The following NAALADL2 variants were observed in gnomAD, a reference collection of about 807,000 sequenced individuals.
NAALADL2 encodes the protein N-acetylated alpha-linked acidic dipeptidase like 2, also known as inactive N-acetylated-alpha-linked acidic dipeptidase-like protein 2.
In NAALADL2, 76 loss-of-function variants were observed where a neutral mutation model predicts 87.2. That is an observed-to-expected ratio of 0.87 (90% CI 0.72 to 1.05). NAALADL2 has a LOEUF of 1.05. Ranked by LOEUF, NAALADL2 falls within the 50% of genes least tolerant of loss-of-function variation. The pLI is 0.00. For missense variants in NAALADL2, 1,089 were observed against 945.8 expected (o/e 1.15, Z -1.99); for synonymous variants, 354 against 331.0 (o/e 1.07, Z -0.75).
chr3:174,540,722 A>C (rs1722148568), intron 1 of NAALADL2: 1 of 152,174 alleles, frequency 6.6e-6, no homozygotes, highest in African/African-American at 2.4e-5. Context: ...TTTTCCTTTA[A>C]TAAAGCTATG....
intron 11 of NAALADL2, among the ~76,000 whole-genome samples, chr3:175,687,606 C>T (rs1180151317): frequency 6.6e-6 from 1 of 152,132 alleles, no homozygotes. Flanking sequence ...TTTCCATGCA[C>T]TATGCTGCCT....
chr3:175,358,307 T>A (rs1402294202), intron 5 of NAALADL2, among the ~76,000 whole-genome samples: 1 of 152,130 alleles, frequency 6.6e-6, no homozygotes, highest in Non-Finnish European at 1.5e-5. Flanking sequence ...AATATAAAAT[T>A]CATCTTTTTA....
intron 1 of NAALADL2, among the ~76,000 whole-genome samples, chr3:174,905,926 C>A (rs1021420831): frequency 1.3e-5 from 2 of 152,066 alleles, no homozygotes; most frequent in Admixed American, 6.6e-5. Context: ...GGATATTAAT[C>A]TTTGTTTACA....
At chr3:174,620,856 A>T (rs2108664780) in intron 2 of NAALADL2, among the ~76,000 whole-genome samples, 1 of 152,190 alleles carries the variant, frequency 6.6e-6, no homozygotes, top group Middle Eastern at 3.4e-3. Flanking sequence ...GATTTTTAGG[A>T]AATAGGTCAA....
At chr3:174,549,012 T>G (rs1244450502) in intron 1 of NAALADL2, among the ~76,000 whole-genome samples, 1 of 152,086 alleles carries the variant, frequency 6.6e-6, no homozygotes, top group Non-Finnish European at 1.5e-5. Flanking sequence ...GGCTAATTTG[T>G]GTATTTTTTG....
At chr3:174,995,135 C>CA (rs534512303) in intron 1 of NAALADL2, among the ~76,000 whole-genome samples, 144 of 142,992 alleles carry the variant, frequency 1.0e-3, no homozygotes, top group Middle Eastern at 7.1e-3. Context: ...AAAATAATAG[C>CA]AAAAAAAAAA....
chr3:174,806,782 T>C (rs936958346), intron 3 of NAALADL2, among the ~76,000 whole-genome samples: 5 of 152,318 alleles, frequency 3.3e-5, no homozygotes, highest in East Asian at 1.9e-4. Context: ...AAGCTATGTA[T>C]ATCCAAATAT....
intron 2 of NAALADL2, among the ~76,000 whole-genome samples, chr3:175,215,563 A>G (rs6443290): frequency 0.47 from 71,685 of 151,612 alleles, 18,206 homozygotes; most frequent in African/African-American, 0.65. Flanking sequence ...CACCTTTCAG[A>G]CCACTTCTAT....
intron 1 of NAALADL2, among the ~76,000 whole-genome samples, chr3:174,908,697 C>T (rs192280719): frequency 9.8e-4 from 149 of 152,170 alleles, no homozygotes; most frequent in Non-Finnish European, 1.7e-3. Flanking sequence ...TATACTAAAA[C>T]AGGCAAGATT....
At chr3:175,303,509 T>C (rs1757335892) in intron 4 of NAALADL2, among the ~76,000 whole-genome samples, 1 of 152,220 alleles carries the variant, frequency 6.6e-6, no homozygotes, top group African/African-American at 2.4e-5. Flanking sequence ...TTTTCTACTT[T>C]CTTACTCCTA....
chr3:174,946,850 T>C (rs192958114), intron 1 of NAALADL2, among the ~76,000 whole-genome samples: 1 of 152,326 alleles, frequency 6.6e-6, no homozygotes, highest in African/African-American at 2.4e-5. Flanking sequence ...ATTCTTATAT[T>C]CATTTATATT....
At chr3:175,034,447 T>A (rs1263398540) in intron 1 of NAALADL2, among the ~76,000 whole-genome samples, 1 of 152,098 alleles carries the variant, frequency 6.6e-6, no homozygotes, top group Admixed American at 6.6e-5. Context: ...TTGCGCCTGT[T>A]ATCATCTCAA....
chr3:175,641,222 G>A (rs1312371913), intron 11 of NAALADL2, among the ~76,000 whole-genome samples: 3 of 152,084 alleles, frequency 2.0e-5, no homozygotes, highest in Non-Finnish European at 4.4e-5. Flanking sequence ...TGTCTCCCAA[G>A]CCTTTCCTGG....
intron 3 of NAALADL2, among the ~76,000 whole-genome samples, chr3:174,788,317 C>T (rs1717049516): frequency 6.6e-6 from 1 of 152,112 alleles, no homozygotes; most frequent in South Asian, 2.1e-4. Context: ...GAGGAGAAGT[C>T]TATTTGAAAG....
intron 13 of NAALADL2, 128 bp downstream of exon 13, chr3:175,755,546 G>C (rs1747159485): frequency 1.7e-6 from 1 of 597,298 alleles, no homozygotes. Flanking sequence ...TTACTCATTT[G>C]AGGAACTTCC....
intron 9 of NAALADL2, among the ~76,000 whole-genome samples, chr3:175,528,733 A>C (rs1232728208): frequency 6.6e-6 from 1 of 152,266 alleles, no homozygotes; most frequent in African/African-American, 2.4e-5. Flanking sequence ...ATACTATTAT[A>C]TAAAGTTAAC....
At chr3:174,876,803 C>G (rs1473406312) in intron 1 of NAALADL2, among the ~76,000 whole-genome samples, 1 of 152,072 alleles carries the variant, frequency 6.6e-6, no homozygotes, top group Non-Finnish European at 1.5e-5. Flanking sequence ...TTCTTGTGTT[C>G]TTAGTTGGCT....
intron 2 of NAALADL2, among the ~76,000 whole-genome samples, chr3:175,232,090 A>G (rs1431232154): frequency 6.6e-6 from 1 of 151,942 alleles, no homozygotes; most frequent in African/African-American, 2.4e-5. Context: ...ATCCAAGTAG[A>G]TATTTAAAAA....
intron 4 of NAALADL2, among the ~76,000 whole-genome samples, chr3:175,260,447 C>A (rs1750833472): frequency 6.6e-6 from 1 of 152,060 alleles, no homozygotes; most frequent in Admixed American, 6.5e-5. Flanking sequence ...CTGTATCTTT[C>A]AATATACATT....
Sources: gnomAD v4.1 joint callset for allele counts (sites outside exome capture counted in the v4.1 genomes callset) on GRCh38, gnomAD v4.1.1 for gene constraint, MANE v1.5 for transcripts, NCBI Gene and HGNC (gene_info 2026-07-23, HGNC 2026-07-21) for gene names.